The following GXYLT2 variants were observed in gnomAD, a reference collection of about 807,000 sequenced individuals.
The protein encoded by GXYLT2 is glycosyltransferase 8 domain containing 4.
In GXYLT2, 53 loss-of-function variants were observed where a neutral mutation model predicts 45.8. The ratio of observed to expected loss-of-function variants is 1.16; its 90% CI spans 0.93 to 1.46. The LOEUF is 1.46. Among genes scored for constraint, GXYLT2 ranks in the 40% most tolerant of loss-of-function variants. GXYLT2 has a pLI of 0.00. For synonymous variants in GXYLT2, 219 were observed against 214.2 expected (o/e 1.02, Z -0.19); for missense variants, 551 against 544.4 (o/e 1.01, Z -0.12).
intron 3 of GXYLT2, among the ~76,000 whole-genome samples, chr3:72,943,347 A>G (rs568904638): frequency 6.6e-6 from 1 of 152,188 alleles, no homozygotes; most frequent in South Asian, 2.1e-4. Flanking sequence ...AACTGAAAAA[A>G]TGCAGTAATG....
chr3:72,941,280 G>C (rs1309697331), intron 3 of GXYLT2, among the ~76,000 whole-genome samples: 1 of 152,152 alleles, frequency 6.6e-6, no homozygotes, highest in East Asian at 1.9e-4. Context: ...TGCATTTTTG[G>C]TTTTTGAATG....
chr3:72,920,798 G>GCA (rs1709818098), intron 2 of GXYLT2, among the ~76,000 whole-genome samples: 1 of 139,556 alleles, frequency 7.2e-6, no homozygotes, highest in African/African-American at 3.1e-5. Context: ...AAATGTACAT[G>GCA]CATATATATA....
chr3:72,922,426 G>T (rs1375585177), intron 3 of GXYLT2, 91 bp downstream of exon 3: 9 of 1,299,036 alleles, frequency 6.9e-6, no homozygotes, highest in Non-Finnish European at 8.5e-6. Context: ...TAACTTAACA[G>T]CTGAAAACCT....
At chr3:72,899,462 G>C (rs752309603) in intron 1 of GXYLT2, among the ~76,000 whole-genome samples, 8 of 152,144 alleles carry the variant, frequency 5.3e-5, no homozygotes, top group Non-Finnish European at 7.3e-5. Context: ...TATGATATTT[G>C]ATTTAACTCG....
rs573118120 is a variant in GXYLT2 at position 72,927,787 on chromosome 3, T to C, written c.600+5452T>C. 9.8e-4 allele frequency among the ~76,000 whole-genome samples: 150 copies of C among 152,326 alleles called. 1 individual carries two copies. The highest frequency in any genetic ancestry group is 9.4e-4 in the Non-Finnish European group (64 of 68,026). ...TAGCCACCTAAATGATTACATGAAA[T>C]GACCTTAGATACCAATTTTGTTGAA... On this transcript the variant is annotated intron_variant, in intron 3 of 6. Coordinates refer to ENST00000389617, the MANE Select transcript of GXYLT2 (RefSeq NM_001080393.2).
At chr3:72,911,313 G>T (rs1419041606) in intron 2 of GXYLT2, among the ~76,000 whole-genome samples, 1 of 152,018 alleles carries the variant, frequency 6.6e-6, no homozygotes, top group Non-Finnish European at 1.5e-5. Context: ...AAAGGGAAGG[G>T]AAGGAAGATG....
At chr3:72,892,367 A>G (rs1015362239) in intron 1 of GXYLT2, among the ~76,000 whole-genome samples, 4 of 152,110 alleles carry the variant, frequency 2.6e-5, no homozygotes, top group Non-Finnish European at 5.9e-5. Flanking sequence ...GTTGGCCTGG[A>G]TATTGTTGTT....
At chr3:72,913,528 C>A (rs964668737) in intron 2 of GXYLT2, among the ~76,000 whole-genome samples, 1 of 151,764 alleles carries the variant, frequency 6.6e-6, no homozygotes, top group Non-Finnish European at 1.5e-5. Flanking sequence ...AACCCCATCT[C>A]TACTAAAAAT....
chr3:72,891,080 G>A (rs565027616), intron 1 of GXYLT2, among the ~76,000 whole-genome samples: 1 of 152,070 alleles, frequency 6.6e-6, no homozygotes, highest in African/African-American at 2.4e-5. Flanking sequence ...AATTCTGCTT[G>A]GGTTAAATTT....
At chr3:72,971,332 CT>C (rs1710982632) in intron 6 of GXYLT2, among the ~76,000 whole-genome samples, 1 of 152,216 alleles carries the variant, frequency 6.6e-6, no homozygotes, top group South Asian at 2.1e-4. Context: ...AGAAAAATGA[CT>C]AACCCTGACC....
chr3:72,917,477 G>A (rs927351311), intron 2 of GXYLT2, among the ~76,000 whole-genome samples: 5 of 152,096 alleles, frequency 3.3e-5, no homozygotes, highest in African/African-American at 9.7e-5. Context: ...TATATCAAAT[G>A]TCAAATACTT....
chr3:72,955,745 A>G (rs1710629159), intron 4 of GXYLT2, among the ~76,000 whole-genome samples: 1 of 152,178 alleles, frequency 6.6e-6, no homozygotes, highest in South Asian at 2.1e-4. Flanking sequence ...AGAAGTGGAA[A>G]GAAGCTAAAA....
intron 1 of GXYLT2, 143 bp downstream of exon 1, chr3:72,888,651 G>A (rs966092067): frequency 7.4e-6 from 4 of 539,464 alleles, no homozygotes; most frequent in Admixed American, 5.8e-5. Context: ...TTCTTAACCC[G>A]ATAGAAAAGA....
rs1711096161 is a variant in GXYLT2, at chr3:72,976,058, A to G, written c.*899A>G. ...GTGATTCTCATGCCTCAGCCTCCCC[A>G]GTAGCTGGGATTACAAGTGTGTGCC... On this transcript the variant is annotated 3_prime_UTR_variant, in exon 7 of 7. Coordinates refer to ENST00000389617, the MANE Select transcript of GXYLT2 (RefSeq NM_001080393.2). 6.7e-6 allele frequency: 1 copy of G among 149,382 alleles called. No homozygotes were observed. Among genetic ancestry groups the G allele is most frequent in the Non-Finnish European group, 1.5e-5 (1 of 67,830 alleles). The allele number at this position is 149,382 out of a possible 1,614,324, so 9.3% of individuals were successfully genotyped here. A position where few individuals can be genotyped will look rare whatever the true frequency, so the allele number is the denominator to read the frequency against.
intron 6 of GXYLT2, among the ~76,000 whole-genome samples, chr3:72,974,089 A>G (rs1711046488): frequency 6.6e-6 from 1 of 152,200 alleles, no homozygotes; most frequent in Non-Finnish European, 1.5e-5. Context: ...TAGTCTTTCC[A>G]TATAAAATGT....
In GXYLT2 at chr3:72,968,810, C is replaced by T. The variant is rs945956536; in HGVS notation, c.1149+1091C>T. ...GGCGCAGTGGCTCATGCCTGTAATC[C>T]CTGCACTTTGGGAGGGCAAGGTTGG... On this transcript the variant is annotated intron_variant, in intron 6 of 6. Transcript: ENST00000389617. 2.6e-5 allele frequency among the ~76,000 whole-genome samples: 4 copies of T among 152,122 alleles called. No individual in the cohort carries two copies. The East Asian group carries it at 5.8e-4, about 22-fold the overall frequency.
rs549929021 is a variant in GXYLT2 at position 72,908,902 on chromosome 3, T to C, written c.468+343T>C. ...ACAGGCATGCACCACCATGTCTGGC[T>C]AATTTTTGTGTATTTTTTAATAGAG... On this transcript the variant is annotated intron_variant, in intron 2 of 6. Transcript: ENST00000389617. Among the ~76,000 whole-genome samples the C allele has an allele frequency of 9.2e-5, 14 of 152,168 alleles. 1 individual carries two copies. Among genetic ancestry groups the C allele is most frequent in the African/African-American group, 3.1e-4 (13 of 41,516 alleles).
chr3:72,957,843 A>T (rs1710679474), intron 5 of GXYLT2, among the ~76,000 whole-genome samples: 1 of 152,172 alleles, frequency 6.6e-6, no homozygotes, highest in African/African-American at 2.4e-5. Context: ...AATTCTTCTT[A>T]TATTGTTAGG....
chr3:72,907,094 A>G (rs1366491583), intron 1 of GXYLT2, among the ~76,000 whole-genome samples: 1 of 152,194 alleles, frequency 6.6e-6, no homozygotes, highest in African/African-American at 2.4e-5. Flanking sequence ...GCCTCACCAG[A>G]TAATGGCAGG....
Sources: allele counts gnomAD v4.1 joint callset (sites outside exome capture counted in the v4.1 genomes callset), GRCh38; gene constraint gnomAD v4.1.1; transcripts MANE v1.5; gene names NCBI Gene and HGNC (gene_info 2026-07-23, HGNC 2026-07-21).